Variants in WAC observed in about 807,000 individuals in gnomAD.
The protein encoded by WAC is WW domain containing adaptor with coiled-coil.
Under a neutral mutation model 79.6 loss-of-function variants are expected in WAC, and 11 were observed. That is an observed-to-expected ratio of 0.14 (90% CI 0.09 to 0.23). The LOEUF (loss-of-function observed/expected upper bound fraction) is 0.23, where lower values mean the gene tolerates loss of function less well. WAC is among the 10% of genes least tolerant of loss of function. WAC has a pLI of 1.00. For synonymous variants in WAC, 304 were observed against 276.9 expected (o/e 1.10, Z -0.97); for missense variants, 728 against 773.5 (o/e 0.94, Z 0.70).
intron 7 of WAC, among the ~76,000 whole-genome samples, chr10:28,605,800 A>G (rs1840912500): frequency 6.6e-6 from 1 of 152,180 alleles, no homozygotes; most frequent in South Asian, 2.1e-4. Flanking sequence ...TTTCTTCTCC[A>G]ACTTGTTTCT....
intron 3 of WAC, among the ~76,000 whole-genome samples, chr10:28,577,553 G>T (rs1232502172): frequency 6.6e-6 from 1 of 152,100 alleles, no homozygotes; most frequent in Non-Finnish European, 1.5e-5. Flanking sequence ...ACAGATATGT[G>T]GCTTTCTTGG....
chr10:28,540,133 T>G (rs990349812), intron 3 of WAC, among the ~76,000 whole-genome samples: 6 of 152,208 alleles, frequency 3.9e-5, no homozygotes, highest in Non-Finnish European at 5.9e-5. Context: ...TTACTAACAT[T>G]AGAAATGTTG....
At chr10:28,542,814 TGATA>T (rs1001075904) in intron 3 of WAC, among the ~76,000 whole-genome samples, 6 of 152,258 alleles carry the variant, frequency 3.9e-5, no homozygotes, top group Non-Finnish European at 7.3e-5. Context: ...TGCTGGTTTC[TGATA>T]GATCAGTAGC....
rs757233734 is a variant in WAC, at chr10:28,534,007, C to T, written c.51C>T (p.Asp17=). The part of the protein sequence containing the change: ...KQQRLSDGCH[D]RRGDSQPYQA... ...TCTTCCTGTTTTTCAGCTGTCACGA[C>T]CGGAGGGGGGACTCGCAGCCTTACC... Residue 17 remains aspartate (D), a synonymous_variant, in exon 2 of 14, where the codon GAC becomes GAT. Transcript: ENST00000354911. 3 of 1,602,596 alleles carry T rather than the reference C, an allele frequency of 1.9e-6. No homozygotes were observed. The highest frequency in any genetic ancestry group is 1.1e-5 in the South Asian group (1 of 90,664).
chr10:28,617,936 T>C, intron 13 of WAC, 152 bp downstream of exon 13: 2 of 932,540 alleles, frequency 2.1e-6, no homozygotes, highest in Non-Finnish European at 2.9e-6. Flanking sequence ...TAAGTTAATA[T>C]TTCTCGTGAA....
intron 3 of WAC, among the ~76,000 whole-genome samples, chr10:28,566,537 T>A (rs1838624350): frequency 6.6e-6 from 1 of 152,316 alleles, no homozygotes; most frequent in Admixed American, 6.5e-5. Flanking sequence ...TGATTTTTCT[T>A]ATGATTGTCT....
At chr10:28,597,772 A>G (rs1840456531) in intron 7 of WAC, among the ~76,000 whole-genome samples, 1 of 152,160 alleles carries the variant, frequency 6.6e-6, no homozygotes, top group African/African-American at 2.4e-5. Context: ...AATTGACAGC[A>G]CTGTTCTTCC....
intron 6 of WAC, chr10:28,591,498 T>A (rs1283318340): frequency 6.6e-6 from 1 of 152,246 alleles, no homozygotes; most frequent in Non-Finnish European, 1.5e-5. Context: ...ACATTTATTT[T>A]GTAATTCATT....
intron 7 of WAC, among the ~76,000 whole-genome samples, chr10:28,600,077 A>G (rs926484448): frequency 6.6e-6 from 1 of 152,166 alleles, no homozygotes; most frequent in African/African-American, 2.4e-5. Flanking sequence ...AGAGTTTAAT[A>G]TCCTTATTCA....
chr10:28,569,636 C>A (rs891798748), intron 3 of WAC, among the ~76,000 whole-genome samples: 2 of 152,096 alleles, frequency 1.3e-5, no homozygotes, highest in African/African-American at 4.8e-5. Flanking sequence ...CAGTGAACTT[C>A]TATAATCTAG....
At chr10:28,564,052 G>A (rs184740341) in intron 3 of WAC, among the ~76,000 whole-genome samples, 41 of 152,014 alleles carry the variant, frequency 2.7e-4, no homozygotes, top group African/African-American at 8.9e-4. Context: ...TGAGGCGGGC[G>A]GATCCCTTGA....
rs368350025 is a variant in WAC, at chr10:28,614,553, T to C, written c.1438-14T>C. The C allele has an allele frequency of 2.1e-5, 33 of 1,606,804 alleles. No homozygotes were observed. Among genetic ancestry groups the C allele is most frequent in the Non-Finnish European group, 2.6e-5 (30 of 1,173,820 alleles). ...TAGATTTGGAGACCATCTCACCAGATTTTGACATTTCAGGTTAGTACTCCA... is the reference window on the plus strand; with the variant it reads ...TAGATTTGGAGACCATCTCACCAGACTTTGACATTTCAGGTTAGTACTCCA... On this transcript the variant is annotated splice_polypyrimidine_tract_variant and intron_variant, in intron 10 of 13. Coordinates refer to ENST00000354911, the MANE Select transcript of WAC (RefSeq NM_016628.5).
rs1363189059 is a variant in WAC, at chr10:28,616,360, C to G, written c.1744C>G (p.Gln582Glu). The part of the protein sequence containing the change: ...QGWPADHAEK[Q>E]ASRLREEAHN... ...ATGGCCTGCAGATCATGCAGAGAAG[C>G]AGGTATGTTATGTACAGCCTAGATT... Residue 582 changes from glutamine to glutamate, a missense_variant and splice_region_variant, in exon 12 of 14, where the codon CAG becomes GAG. Gln to Glu is a conservative substitution (Grantham distance 29, BLOSUM62 2). This residue lies in a region of WAC where 66 missense variants were observed against 78.9 expected (regional missense o/e 0.84). Transcript: ENST00000354911. 1.2e-6 allele frequency: 2 copies of G among 1,605,776 alleles called. No individual in the cohort carries two copies. The highest frequency in any genetic ancestry group is 1.7e-6 in the Non-Finnish European group (2 of 1,175,186).
chr10:28,549,027 T>G (rs566453486), intron 3 of WAC, among the ~76,000 whole-genome samples: 32 of 152,168 alleles, frequency 2.1e-4, no homozygotes, highest in Non-Finnish European at 2.5e-4. Flanking sequence ...ACCTCCCAAG[T>G]AGTTGAGCCT....
chr10:28,562,084 C>CACGT (rs1838327369), intron 3 of WAC, among the ~76,000 whole-genome samples: 1 of 152,060 alleles, frequency 6.6e-6, no homozygotes, highest in Non-Finnish European at 1.5e-5. Context: ...GAGATGGAGT[C>CACGT]ACGTGCTCTG....
intron 6 of WAC, 81 bp downstream of exon 6, chr10:28,590,913 A>G: frequency 1.0e-6 from 1 of 988,042 alleles, no homozygotes; most frequent in South Asian, 1.5e-5. Context: ...ATTGCCATCT[A>G]CATATGTAAA....
chr10:28,572,805 C>T (rs998441715), intron 3 of WAC, among the ~76,000 whole-genome samples: 4 of 152,152 alleles, frequency 2.6e-5, no homozygotes, highest in African/African-American at 9.7e-5. Context: ...GAGCGAAACT[C>T]AGTCTCAGCA....
intron 9 of WAC, 195 bp downstream of exon 9, chr10:28,611,016 C>A: frequency 1.6e-6 from 1 of 618,798 alleles, no homozygotes; most frequent in Non-Finnish European, 2.6e-6. Flanking sequence ...TTAGATGAAG[C>A]AAGCTTTGAC....
At chr10:28,597,545 A>G (rs1424116650) in intron 7 of WAC, among the ~76,000 whole-genome samples, 1 of 152,064 alleles carries the variant, frequency 6.6e-6, no homozygotes, top group African/African-American at 2.4e-5. Context: ...CTTACATATC[A>G]GCATCTCAGC....
Sources: allele counts gnomAD v4.1 joint callset (sites outside exome capture counted in the v4.1 genomes callset), GRCh38; gene constraint gnomAD v4.1.1; regional missense constraint gnomAD v4.1.1; transcripts MANE v1.5; gene names NCBI Gene and HGNC (gene_info 2026-07-23, HGNC 2026-07-21).